The following IPO7 variants were observed in gnomAD, a reference collection of about 807,000 sequenced individuals.
IPO7 encodes the protein importin-7.
Under a neutral mutation model 136.4 loss-of-function variants are expected in IPO7, and 13 were observed. That is an observed-to-expected ratio of 0.10 (90% CI 0.06 to 0.15). The LOEUF (loss-of-function observed/expected upper bound fraction) is 0.15, where lower values mean the gene tolerates loss of function less well. Ranked by LOEUF, IPO7 falls within the 10% of genes least tolerant of loss-of-function variation. The probability of loss-of-function intolerance (pLI) is 1.00; values close to 1 mark genes in which losing one functional copy is unlikely to be tolerated. For missense variants in IPO7, 857 were observed against 1,240.6 expected (o/e 0.69, Z 4.65); for synonymous variants, 403 against 404.4 (o/e 1.00, Z 0.04).
chr11:9,396,508 A>G (rs1165946247), intron 1 of IPO7, among the ~76,000 whole-genome samples: 1 of 152,236 alleles, frequency 6.6e-6, no homozygotes, highest in Non-Finnish European at 1.5e-5. Context: ...TTGTACAGCC[A>G]TCACCCAATC....
intron 1 of IPO7, among the ~76,000 whole-genome samples, chr11:9,399,166 CTT>C (rs1209158342): frequency 1.9e-4 from 26 of 133,918 alleles, no homozygotes; most frequent in Non-Finnish European, 2.3e-4. Context: ...AAAATGGATG[CTT>C]TTTTTTTTTT....
rs1305212307 is a variant in IPO7, at chr11:9,433,447, CAA to C, written c.1882-121_1882-120del. ...TCATAATGTGTAAGTCATTTTAAAA[CAA>C]AGACTTATTTTTTTCACAATATTGA... On this transcript the variant is annotated intron_variant, in intron 16 of 24. Transcript: ENST00000379719. 21 of 636,984 alleles carry C rather than the reference CAA, an allele frequency of 3.3e-5. No individual in the cohort carries two copies. In the African/African-American group the frequency reaches 3.5e-4, roughly 11 times the overall value. The allele number at this position is 636,984 out of a possible 1,614,324, so 39.5% of individuals were successfully genotyped here.
At chr11:9,431,164 G>T (rs187542395) in intron 16 of IPO7, among the ~76,000 whole-genome samples, 161 bp downstream of exon 16, 1 of 152,240 alleles carries the variant, frequency 6.6e-6, no homozygotes, top group East Asian at 1.9e-4. Context: ...ATTAGTAGAA[G>T]GAATAGGAAG....
intron 1 of IPO7, among the ~76,000 whole-genome samples, chr11:9,393,791 C>T (rs1452083170): frequency 6.6e-6 from 1 of 152,056 alleles, no homozygotes; most frequent in Non-Finnish European, 1.5e-5. Flanking sequence ...TGTTGATACT[C>T]CTAAATGAGA....
intron 24 of IPO7, 72 bp from the exon 25 acceptor site, chr11:9,445,025 T>G (rs1855509768): frequency 2.1e-6 from 2 of 946,254 alleles, no homozygotes. Context: ...CTGGCTTGTT[T>G]AATGTTTTGT....
At chr11:9,428,841 T>G (rs779169993) in intron 13 of IPO7, 190 bp from the exon 14 acceptor site, 3 of 786,526 alleles carry the variant, frequency 3.8e-6, no homozygotes, top group Non-Finnish European at 7.0e-6. Flanking sequence ...CATTCAGATC[T>G]TGCTATCCAC....
chr11:9,396,410 A>G (rs1854709749), intron 1 of IPO7, among the ~76,000 whole-genome samples: 3 of 152,172 alleles, frequency 2.0e-5, no homozygotes, highest in South Asian at 4.1e-4. Flanking sequence ...ACAAAGTCGT[A>G]AGTGCTTATT....
chr11:9,417,870 G>T (rs1048137337), intron 6 of IPO7, among the ~76,000 whole-genome samples: 2 of 151,142 alleles, frequency 1.3e-5, no homozygotes, highest in Non-Finnish European at 2.9e-5. Context: ...GTGCTACCAA[G>T]CCCGTCTAAT....
At chr11:9,408,039 C>A (rs186560851) in intron 2 of IPO7, among the ~76,000 whole-genome samples, 7 of 152,112 alleles carry the variant, frequency 4.6e-5, no homozygotes, top group African/African-American at 1.7e-4. Flanking sequence ...AGATTAAGAA[C>A]CTTTATATGC....
At chr11:9,404,321 C>T (rs971273862) in intron 2 of IPO7, among the ~76,000 whole-genome samples, 3 of 151,298 alleles carry the variant, frequency 2.0e-5, no homozygotes, top group Non-Finnish European at 4.4e-5. Context: ...AAGAATTAGC[C>T]GGGCGTGGTG....
At chr11:9,411,091 T>G (rs1307942108) in intron 4 of IPO7, among the ~76,000 whole-genome samples, 2 of 152,174 alleles carry the variant, frequency 1.3e-5, no homozygotes, top group African/African-American at 2.4e-5. Context: ...TTCTGGTAAG[T>G]GAGTGACTAA....
At position 9,445,293 on chromosome 11, in the gene IPO7, TAATC is replaced by T; in HGVS notation, c.*103_*106del. 2.2e-6 allele frequency: 1 copy of T among 459,800 alleles called. No homozygotes were observed. The highest frequency in any genetic ancestry group is 3.9e-6 in the Non-Finnish European group (1 of 257,020). The allele number at this position is 459,800 out of a possible 1,614,324, so 28.5% of individuals were successfully genotyped here. ...GTTCATGTTATCTATTCTAAACTAA[TAATC>T]AATAGATGGACAAAAGAAACAACAA... On this transcript the variant is annotated 3_prime_UTR_variant, in exon 25 of 25. Transcript: ENST00000379719.
intron 24 of IPO7, among the ~76,000 whole-genome samples, chr11:9,443,203 CAAAAAAACAAAAA>C (rs1565006208): frequency 2.7e-5 from 4 of 150,772 alleles, no homozygotes; most frequent in African/African-American, 9.8e-5. Flanking sequence ...AAGTCTGTCT[CAAAAAAACAAAAA>C]AAAGTACAGT....
chr11:9,443,808 G>A (rs1370304982), intron 24 of IPO7, among the ~76,000 whole-genome samples: 2 of 152,092 alleles, frequency 1.3e-5, no homozygotes, highest in Non-Finnish European at 2.9e-5. Flanking sequence ...GCTGAGGCTG[G>A]AGGATCACTT....
intron 1 of IPO7, among the ~76,000 whole-genome samples, chr11:9,387,653 G>A (rs1590422356): frequency 6.6e-6 from 1 of 152,312 alleles, no homozygotes; most frequent in Non-Finnish European, 1.5e-5. Flanking sequence ...CCAACATGGA[G>A]AAACCCCATC....
Position 9,433,989 on chromosome 11 carries a change from T to C in IPO7, c.2074+143T>C, listed in dbSNP as rs537166356. On this transcript the variant is annotated intron_variant, in intron 18 of 24. Transcript: ENST00000379719. ...CCCAGGCTGGAGTGCAATGGTGCGA[T>C]CTCAGCTCATCGCAACCTATGCCTC... 4.0e-5 allele frequency: 30 copies of C among 753,898 alleles called. 1 individual carries two copies. The South Asian group carries it at 5.4e-4, about 14-fold the overall frequency. 46.7% of individuals were successfully genotyped at this position (753,898 alleles called of 1,614,324 possible).
At chr11:9,400,460 C>T (rs139719399) in intron 1 of IPO7, among the ~76,000 whole-genome samples, 69 of 151,898 alleles carry the variant, frequency 4.5e-4, no homozygotes, top group African/African-American at 1.4e-3. Context: ...ATCTCGCTGT[C>T]GCCCAGGCTG....
At chr11:9,391,566 G>T (rs1854633234) in intron 1 of IPO7, among the ~76,000 whole-genome samples, 1 of 152,008 alleles carries the variant, frequency 6.6e-6, no homozygotes, top group African/African-American at 2.4e-5. Flanking sequence ...AATTAGCTGG[G>T]CATGGTGGTG....
chr11:9,438,192 T>C lies in IPO7; in HGVS notation c.2602T>C (p.Leu868=), dbSNP rs1417981453. Residue 868 remains leucine (L), a synonymous_variant, in exon 22 of 25, where the codon TTA becomes CTA. Coordinates refer to ENST00000379719, the MANE Select transcript of IPO7 (RefSeq NM_006391.3). ...SGQILPAFIL[L]FNGLKRAYAC... is the part of the protein sequence containing the mutation. ...ACAGATTTTGCCGGCTTTTATCCTT[T>C]TATTTAACGGATTGAAAAGAGCATA... is the stretch of plus-strand genomic sequence containing the variant. 2 of 1,613,748 alleles carry C rather than the reference T, an allele frequency of 1.2e-6. No individual in the cohort carries two copies. Among genetic ancestry groups the C allele is most frequent in the Non-Finnish European group, 1.7e-6 (2 of 1,179,998 alleles).
Sources: allele counts gnomAD v4.1 joint callset (sites outside exome capture counted in the v4.1 genomes callset), GRCh38; gene constraint gnomAD v4.1.1; transcripts MANE v1.5; gene names NCBI Gene and HGNC (gene_info 2026-07-23, HGNC 2026-07-21).